Variants in FGF12 observed in about 807,000 individuals in gnomAD.
FGF12 encodes the protein fibroblast growth factor 12B.
In FGF12, 14 loss-of-function variants were observed where a neutral mutation model predicts 23.6. That is an observed-to-expected ratio of 0.59 (90% confidence interval 0.39 to 0.93). The LOEUF is 0.93. Ranked by LOEUF, FGF12 falls within the 40% of genes least tolerant of loss-of-function variation. The pLI is 0.00. For synonymous variants in FGF12, 62 were observed against 77.3 expected (o/e 0.80, Z 1.04); for missense variants, 175 against 217.8 (o/e 0.80, Z 1.24).
At chr3:192,702,488 A>T (rs1015604436) in intron 2 of FGF12, among the ~76,000 whole-genome samples, 1 of 151,856 alleles carries the variant, frequency 6.6e-6, no homozygotes. Context: ...TAATAGGGTA[A>T]TATTCATGCC....
intron 2 of FGF12, among the ~76,000 whole-genome samples, chr3:192,655,089 T>C (rs1716352845): frequency 2.0e-5 from 3 of 152,188 alleles, no homozygotes; most frequent in African/African-American, 7.2e-5. Flanking sequence ...TTATGAAACA[T>C]CTTCTTAAAG....
chr3:192,201,015 A>G (rs1014627413), intron 4 of FGF12, among the ~76,000 whole-genome samples: 2 of 152,324 alleles, frequency 1.3e-5, no homozygotes, highest in East Asian at 3.9e-4. Context: ...AAGTTTTCAT[A>G]AAGGGGTACA....
At chr3:192,561,948 C>T (rs377763540) in intron 2 of FGF12, among the ~76,000 whole-genome samples, 6 of 151,320 alleles carry the variant, frequency 4.0e-5, no homozygotes, top group African/African-American at 1.2e-4. Flanking sequence ...ATGACTTGTA[C>T]ATGAATATTT....
At chr3:192,590,729 G>A (rs977331028) in intron 2 of FGF12, among the ~76,000 whole-genome samples, 1 of 151,806 alleles carries the variant, frequency 6.6e-6, no homozygotes, top group African/African-American at 2.4e-5. Flanking sequence ...ATAATCACAT[G>A]GACCTTGCCA....
chr3:192,401,817 A>G (rs1720772676), intron 2 of FGF12, among the ~76,000 whole-genome samples: 1 of 152,180 alleles, frequency 6.6e-6, no homozygotes, highest in African/African-American at 2.4e-5. Context: ...TTTCTTCAGA[A>G]GCACCGAGCT....
chr3:192,574,627 G>C (rs143096783), intron 2 of FGF12, among the ~76,000 whole-genome samples: 13 of 152,246 alleles, frequency 8.5e-5, no homozygotes, highest in African/African-American at 3.1e-4. Context: ...CATTGCTTAG[G>C]GGGGATGAGG....
intron 4 of FGF12, among the ~76,000 whole-genome samples, chr3:192,214,948 G>T (rs1313318281): frequency 2.0e-5 from 3 of 152,208 alleles, no homozygotes; most frequent in Non-Finnish European, 4.4e-5. Context: ...CAGCTGCTGG[G>T]AGAACTGCTG....
chr3:192,577,970 T>C (rs1186524258), intron 2 of FGF12, among the ~76,000 whole-genome samples: 1 of 152,140 alleles, frequency 6.6e-6, no homozygotes, highest in Non-Finnish European at 1.5e-5. Context: ...AATATTTGGC[T>C]CCAAAGAAAG....
At chr3:192,347,518 C>T (rs1478818984) in intron 3 of FGF12, among the ~76,000 whole-genome samples, 2 of 152,140 alleles carry the variant, frequency 1.3e-5, no homozygotes, top group Non-Finnish European at 2.9e-5. Flanking sequence ...TGCTGTCTTC[C>T]TTTACGTCTC....
At chr3:192,480,995 AG>A (rs1377270244) in intron 2 of FGF12, among the ~76,000 whole-genome samples, 1 of 152,214 alleles carries the variant, frequency 6.6e-6, no homozygotes, top group Admixed American at 6.5e-5. Flanking sequence ...ACATGAAGGC[AG>A]GGAAAGGAGT....
intron 2 of FGF12, among the ~76,000 whole-genome samples, chr3:192,376,669 A>G (rs1443525971): frequency 2.0e-5 from 3 of 152,146 alleles, no homozygotes; most frequent in Non-Finnish European, 4.4e-5. Flanking sequence ...ACCGCTATAT[A>G]ATCATTTTCT....
chr3:192,503,285 T>A (rs1450869858), intron 2 of FGF12, among the ~76,000 whole-genome samples: 1 of 152,208 alleles, frequency 6.6e-6, no homozygotes, highest in East Asian at 1.9e-4. Context: ...TAATTTATAA[T>A]GTTAAATTTT....
chr3:192,223,386 C>T, intron 4 of FGF12, among the ~76,000 whole-genome samples: 1 of 152,030 alleles, frequency 6.6e-6, no homozygotes, highest in Non-Finnish European at 1.5e-5. Context: ...TTATGTCTGC[C>T]ACTGAGTTGT....
At chr3:192,222,712 G>A (rs1423212511) in intron 4 of FGF12, among the ~76,000 whole-genome samples, 2 of 152,080 alleles carry the variant, frequency 1.3e-5, no homozygotes, top group East Asian at 1.9e-4. Context: ...AGAATATACT[G>A]ACTGATATCT....
chr3:192,302,212 C>T (rs2108660906), intron 4 of FGF12, among the ~76,000 whole-genome samples: 1 of 152,248 alleles, frequency 6.6e-6, no homozygotes, highest in East Asian at 1.9e-4. Context: ...CTCTGGGAGC[C>T]TTCCTTTCAC....
chr3:192,168,162 T>C (rs900004465), intron 5 of FGF12, among the ~76,000 whole-genome samples: 1 of 152,172 alleles, frequency 6.6e-6, no homozygotes, highest in South Asian at 2.1e-4. Flanking sequence ...CTTTTCTTCA[T>C]ACTTTCCTAA....
intron 2 of FGF12, among the ~76,000 whole-genome samples, chr3:192,467,133 G>C (rs1429725706): frequency 6.6e-6 from 1 of 152,122 alleles, no homozygotes; most frequent in Non-Finnish European, 1.5e-5. Context: ...TGTGCAAAAG[G>C]TTTTAGAATT....
intron 2 of FGF12, among the ~76,000 whole-genome samples, chr3:192,496,723 C>T (rs1723968547): frequency 6.6e-6 from 1 of 152,174 alleles, no homozygotes; most frequent in Non-Finnish European, 1.5e-5. Flanking sequence ...ATGACCTCCA[C>T]ATTTCCCAGT....
At chr3:192,431,910 C>T (rs879827429) in intron 2 of FGF12, among the ~76,000 whole-genome samples, 33 of 152,152 alleles carry the variant, frequency 2.2e-4, no homozygotes, top group Non-Finnish European at 5.9e-5. Context: ...TTCATGTACC[C>T]CAAGCACAGC....
Sources: gnomAD v4.1 joint callset for allele counts (sites outside exome capture counted in the v4.1 genomes callset) on GRCh38, gnomAD v4.1.1 for gene constraint, MANE v1.5 for transcripts, NCBI Gene and HGNC (gene_info 2026-07-23, HGNC 2026-07-21) for gene names.